The following ARID1A variants were observed in gnomAD, a reference collection of about 807,000 sequenced individuals.
ARID1A encodes AT-rich interaction domain 1A.
Under a neutral mutation model 212.6 loss-of-function variants are expected in ARID1A, and 20 were observed. The ratio of observed to expected loss-of-function variants is 0.09; its 90% CI spans 0.07 to 0.14. The LOEUF is 0.14. Among genes scored for constraint, ARID1A ranks in the 10% least tolerant of loss-of-function variants. The pLI is 1.00. For missense variants in ARID1A, 2,587 were observed against 3,059.0 expected (o/e 0.85, Z 3.64); for synonymous variants, 1,376 against 1,222.1 (o/e 1.13, Z -2.63).
chr1:26,744,661 G>C (rs969490070), intron 4 of ARID1A, among the ~76,000 whole-genome samples: 2 of 152,172 alleles, frequency 1.3e-5, no homozygotes, highest in Non-Finnish European at 2.9e-5. Flanking sequence ...TACTCAAGAA[G>C]ACACTTGGTA....
chr1:26,724,045 AG>A (rs552579457), intron 1 of ARID1A, among the ~76,000 whole-genome samples: 1 of 152,130 alleles, frequency 6.6e-6, no homozygotes, highest in African/African-American at 2.4e-5. Flanking sequence ...GGAATCAATT[AG>A]GGGGGTTCTT....
rs549735001 is a variant in ARID1A at position 26,708,336 on chromosome 1, T to C, written c.1137+10796T>C. The stretch of plus-strand genomic sequence containing the variant: ...GTCTTGCACTGTCGCCCAGGCTGGA[T>C]TGCAGTGGCGTGATCTCGGCTCACT... On this transcript the variant is annotated intron_variant, in intron 1 of 19. Coordinates refer to ENST00000324856, the MANE Select transcript of ARID1A (RefSeq NM_006015.6). Among the ~76,000 whole-genome samples the C allele has an allele frequency of 6.2e-5, 8 of 129,328 alleles. No individual in the cohort carries two copies. In the East Asian group the frequency reaches 2.0e-3, roughly 32 times the overall value. The allele number at this position is 129,328 out of a possible 152,430, so 84.8% of individuals were successfully genotyped here.
intron 1 of ARID1A, among the ~76,000 whole-genome samples, chr1:26,703,279 T>G (rs1350275930): frequency 1.3e-5 from 2 of 152,204 alleles, no homozygotes; most frequent in Non-Finnish European, 2.9e-5. Context: ...TAAAAACATA[T>G]CTGGGTTCCT....
At chr1:26,720,138 C>G (rs1182366566) in intron 1 of ARID1A, among the ~76,000 whole-genome samples, 2 of 151,660 alleles carry the variant, frequency 1.3e-5, no homozygotes, top group East Asian at 3.9e-4. Context: ...GTAATCTCAG[C>G]TACTCAGGAG....
chr1:26,746,212 T>C (rs1049194655), intron 4 of ARID1A, among the ~76,000 whole-genome samples: 1 of 152,232 alleles, frequency 6.6e-6, no homozygotes, highest in African/African-American at 2.4e-5. Context: ...AGTTCTGTTC[T>C]CCAGAAGGAT....
rs2081179392 is a variant in ARID1A at position 26,780,332 on chromosome 1, A to C, written c.6434A>C (p.Glu2145Ala). The C allele has an allele frequency of 6.2e-7, 1 of 1,614,070 alleles. No homozygotes were observed. Among genetic ancestry groups the C allele is most frequent in the African/African-American group, 1.3e-5 (1 of 74,932 alleles). Residue 2145 changes from glutamate to alanine, a missense_variant, in exon 20 of 20, where the codon GAG becomes GCG. Transcript: ENST00000324856. This position sits in a 1 kb window ranked among gnomAD's most constrained non-coding sequence, Gnocchi z 7.2. Reference protein sequence around the residue: ...ILATPPFSRLEKLYSTMVRFL... With the variant: ...ILATPPFSRLAKLYSTMVRFL... ...GCCACACCCCCCTTCAGCCGCCTGG[A>C]GAAGTTGTATAGCACTATGGTGCGC...
intron 1 of ARID1A, among the ~76,000 whole-genome samples, chr1:26,718,303 G>A (rs1337029646): frequency 1.3e-5 from 2 of 151,980 alleles, no homozygotes; most frequent in East Asian, 1.9e-4. Flanking sequence ...TACTTTATTC[G>A]ACCCTGAAGT....
chr1:26,717,093 T>C (rs765513967), intron 1 of ARID1A, among the ~76,000 whole-genome samples: 17 of 152,244 alleles, frequency 1.1e-4, no homozygotes, highest in South Asian at 2.1e-4. Flanking sequence ...GGTTGAATAC[T>C]ACTGGCTGTA....
intron 13 of ARID1A, 69 bp from the exon 14 acceptor site, chr1:26,772,743 C>CT (rs1237102086): frequency 1.2e-5 from 19 of 1,605,920 alleles, no homozygotes; most frequent in Non-Finnish European, 1.5e-5. Flanking sequence ...CCAGTGACTC[C>CT]TGCGTGTCCT....
chr1:26,710,488 A>AACACACACAC (rs1553147475), intron 1 of ARID1A, among the ~76,000 whole-genome samples: 1 of 13,086 alleles, frequency 7.6e-5, no homozygotes, highest in East Asian at 2.0e-3. Context: ...AAAATAAAAT[A>AACACACACAC]ATACATACAC....
rs143257313 is a variant in ARID1A at position 26,779,677 on chromosome 1, G to A, written c.5779G>A (p.Ala1927Thr). ...GTCTAGCACCTTGACCGAGGATGGA[G>A]CTAAGAGTTCAGAGGCCATCAAGGA... ...TRSSTLTEDG[A>T]KSSEAIKESS... The change falls in exon 20 of 20, where the codon GCT (alanine) becomes ACT (threonine). Residue 1927 changes from alanine to threonine, a missense_variant. Coordinates refer to ENST00000324856, the MANE Select transcript of ARID1A (RefSeq NM_006015.6). 1.2e-6 allele frequency: 2 copies of A among 1,614,150 alleles called. No individual in the cohort carries two copies. Among genetic ancestry groups the A allele is most frequent in the East Asian group, 4.5e-5 (2 of 44,888 alleles).
At chr1:26,722,065 C>T (rs2080570078) in intron 1 of ARID1A, among the ~76,000 whole-genome samples, 1 of 152,162 alleles carries the variant, frequency 6.6e-6, no homozygotes, top group Non-Finnish European at 1.5e-5. Flanking sequence ...ACATCACTTT[C>T]TAGATGTTCT....
At chr1:26,713,639 C>T (rs572824544) in intron 1 of ARID1A, among the ~76,000 whole-genome samples, 16 of 152,248 alleles carry the variant, frequency 1.1e-4, no homozygotes, top group Admixed American at 5.2e-4. Flanking sequence ...GGATTACAGG[C>T]GTGCGCCCAG....
rs775307425 is a variant in ARID1A at position 26,766,543 on chromosome 1, C to T, written c.2965C>T (p.Pro989Ser). The T allele has an allele frequency of 6.2e-7, 1 of 1,612,968 alleles. No homozygotes were observed. Among genetic ancestry groups the T allele is most frequent in the Non-Finnish European group, 8.5e-7 (1 of 1,179,436 alleles). Residue 989 changes from proline (P) to serine (S), a missense_variant, in exon 10 of 20, where the codon CCC becomes TCC. This residue lies in a region of ARID1A where 674 missense variants were observed against 813.4 expected (regional missense o/e 0.83). Coordinates refer to ENST00000324856, the MANE Select transcript of ARID1A (RefSeq NM_006015.6). Reference protein sequence around the residue: ...TKMNNKADGTPKTESKSKKSS... With the variant: ...TKMNNKADGTSKTESKSKKSS... ...AATGAACAACAAGGCAGATGGGACA[C>T]CCAAGACAGAATCCAAATCCAAGGT...
Position 26,762,193 on chromosome 1 carries a change from C to A in ARID1A, c.2293C>A (p.Pro765Thr). The A allele has an allele frequency of 6.2e-7, 1 of 1,614,146 alleles. No individual in the cohort carries two copies. The highest frequency in any genetic ancestry group is 1.3e-5 in the African/African-American group (1 of 75,022). The change falls in exon 7 of 20, where the codon CCC (proline) becomes ACC (threonine). Residue 765 changes from proline (P) to threonine (T), a missense_variant. Physicochemically the swap from Pro to Thr is conservative, Grantham distance 38. Transcript: ENST00000324856. ...RNPQMPQYSS[P>T]QPGSALSPRQ... is the part of the protein sequence containing the mutation. ...CCCCCAGATGCCCCAGTACAGTTCC[C>A]CCCAGCCCGGCTCAGCCTTATCTCC...
At chr1:26,751,690 C>T (rs1207287753) in intron 4 of ARID1A, among the ~76,000 whole-genome samples, 1 of 152,168 alleles carries the variant, frequency 6.6e-6, no homozygotes, top group Non-Finnish European at 1.5e-5. Context: ...TGCTTCCTTT[C>T]AAAAGGAATA....
At position 26,708,984 on chromosome 1, in the gene ARID1A, C is replaced by T. The variant is rs190671347; in HGVS notation, c.1137+11444C>T. ...TGCTGGGATTACAGGTGTGAGCCAC[C>T]GCGCCCAGCGGATTATTGTCTTAAT... is the stretch of plus-strand genomic sequence containing the variant. On this transcript the variant is annotated intron_variant, in intron 1 of 19. Coordinates refer to ENST00000324856, the MANE Select transcript of ARID1A (RefSeq NM_006015.6). 2.5e-4 allele frequency among the ~76,000 whole-genome samples: 38 copies of T among 152,170 alleles called. No individual in the cohort carries two copies. In the East Asian group the frequency reaches 6.6e-3, roughly 26 times the overall value.
At chr1:26,772,349 G>A (rs1049476609) in intron 12 of ARID1A, 151 bp from the exon 13 acceptor site, 7 of 1,117,358 alleles carry the variant, frequency 6.3e-6, no homozygotes, top group Non-Finnish European at 8.9e-6. Flanking sequence ...TTATGACCTG[G>A]CCTTGTAGAT....
At chr1:26,750,091 C>T (rs1332503248) in intron 4 of ARID1A, among the ~76,000 whole-genome samples, 3 of 152,104 alleles carry the variant, frequency 2.0e-5, no homozygotes, top group Non-Finnish European at 4.4e-5. Flanking sequence ...AGAAAAAGGG[C>T]GGATAGAACA....
Sources: gnomAD v4.1 joint callset for allele counts (sites outside exome capture counted in the v4.1 genomes callset) on GRCh38, gnomAD v4.1.1 for gene constraint, gnomAD v4.1.1 regional missense constraint, Gnocchi (gnomAD v3.1) non-coding constraint, MANE v1.5 for transcripts, NCBI Gene and HGNC (gene_info 2026-07-23, HGNC 2026-07-21) for gene names.